The following FMO3 variants were observed in gnomAD, a reference collection of about 807,000 sequenced individuals.
The protein encoded by FMO3 is flavin-containing monooxygenase 3.
FMO3 carries 40 observed loss-of-function variants against 39.4 expected under a neutral mutation model. That is an observed-to-expected ratio of 1.02 (90% CI 0.79 to 1.32). The LOEUF (loss-of-function observed/expected upper bound fraction) is 1.32, where lower values mean the gene tolerates loss of function less well. Among genes scored for constraint, FMO3 ranks in the 40% most tolerant of loss-of-function variants. FMO3 has a pLI of 0.00. For synonymous variants in FMO3, 219 were observed against 228.8 expected, an observed-to-expected ratio of 0.96 and a Z score of 0.39; for missense variants, 680 against 651.8, an observed-to-expected ratio of 1.04 and a Z score of -0.47.
At chr1:171,101,745 G>A (rs892886179) in intron 2 of FMO3, 2 of 518,108 alleles carry the variant, frequency 3.9e-6, no homozygotes, top group East Asian at 1.1e-4. Flanking sequence ...ATTTCACCCA[G>A]ATCTGCGGCC....
chr1:171,117,637 A>G lies in FMO3; in HGVS notation c.*195A>G, dbSNP rs951827144. The stretch of plus-strand genomic sequence containing the variant: ...ACTTTAAGAATCATGTCATGATCTT[A>G]AGAGAGCACTAATCATTTCTGTTTG... On this transcript the variant is annotated 3_prime_UTR_variant, in exon 9 of 9. Transcript: ENST00000367755. The G allele has an allele frequency of 1.9e-6, 1 of 531,696 alleles. No individual in the cohort carries two copies. The highest frequency in any genetic ancestry group is 1.9e-5 in the African/African-American group (1 of 52,696). 32.9% of individuals were successfully genotyped at this position (531,696 alleles called of 1,614,324 possible).
At chr1:171,113,687 G>A (rs542330445) in intron 6 of FMO3, among the ~76,000 whole-genome samples, 7 of 152,208 alleles carry the variant, frequency 4.6e-5, no homozygotes, top group African/African-American at 1.4e-4. Flanking sequence ...TGTAAACACC[G>A]AGGTACCCTC....
chr1:171,096,688 A>ATTTTTTAT (rs1211793732), intron 2 of FMO3, among the ~76,000 whole-genome samples: 7 of 137,354 alleles, frequency 5.1e-5, no homozygotes, highest in South Asian at 2.2e-4. Context: ...TTTAAAATAT[A>ATTTTTTAT]ATTAATATAA....
chr1:171,111,942 A>G (rs1170359793), intron 6 of FMO3, among the ~76,000 whole-genome samples: 1 of 152,196 alleles, frequency 6.6e-6, no homozygotes. Flanking sequence ...AGATAAAGGT[A>G]ATGGCAAGTG....
Position 171,103,819 on chromosome 1 carries a change from A to G in FMO3, c.167A>G (p.Lys56Arg), listed in dbSNP as rs758438408. 1.9e-6 allele frequency: 3 copies of G among 1,613,918 alleles called. No homozygotes were observed. The South Asian group carries it at 3.3e-5, about 18-fold the overall frequency. ...GAGGAGGGCAGGGCTAGCATTTACA[A>G]ATCAGTCTTTTCCAACTCTTCCAAA... ...HAEEGRASIY[K>R]SVFSNSSKEM... The change falls in exon 3 of 9, where the codon AAA becomes AGA. Residue 56 changes from lysine (K) to arginine (R), a missense_variant. By Grantham distance (26) the Lys-to-Arg change is conservative (BLOSUM62 2). Coordinates refer to ENST00000367755, the MANE Select transcript of FMO3 (RefSeq NM_001002294.3).
At chr1:171,106,950 T>C (rs1655666886) in intron 3 of FMO3, among the ~76,000 whole-genome samples, 1 of 152,216 alleles carries the variant, frequency 6.6e-6, no homozygotes, top group Non-Finnish European at 1.5e-5. Flanking sequence ...CATTTTATTA[T>C]ATTTCATAAC....
At chr1:171,102,610 C>A (rs1413801378) in intron 2 of FMO3, among the ~76,000 whole-genome samples, 2 of 152,142 alleles carry the variant, frequency 1.3e-5, no homozygotes, top group African/African-American at 4.8e-5. Context: ...CTTAAAATTA[C>A]CTGAAGAGCT....
At chr1:171,096,075 T>A (rs796406424) in intron 2 of FMO3, among the ~76,000 whole-genome samples, 1,673 of 60,530 alleles carry the variant, frequency 0.028, 75 homozygotes, top group Admixed American at 0.039. Context: ...TATATATTAA[T>A]ATATAATATA....
At position 171,114,180 on chromosome 1, in the gene FMO3, C is replaced by T. The variant is rs765775795; in HGVS notation, c.1001C>T (p.Ala334Val). 6.2e-7 allele frequency: 1 copy of T among 1,613,992 alleles called. No homozygotes were observed. The highest frequency in any genetic ancestry group is 2.2e-5 in the East Asian group (1 of 44,856). Residue 334 changes from alanine (A) to valine (V), a missense_variant, in exon 7 of 9, where the codon GCC (alanine) becomes GTC (valine). Coordinates refer to ENST00000367755, the MANE Select transcript of FMO3 (RefSeq NM_001002294.3). ...CVIFATGYSF[A>V]YPFLDESIIK... Reference sequence around the variant, plus strand: ...ATCTTTGCAACAGGGTATAGTTTTGCCTACCCCTTCCTTGATGAGTCTATC... The same window carrying T: ...ATCTTTGCAACAGGGTATAGTTTTGTCTACCCCTTCCTTGATGAGTCTATC...
chr1:171,092,572 G>T (rs149842095), intron 1 of FMO3, 81 bp from the exon 2 acceptor site: 2 of 1,539,374 alleles, frequency 1.3e-6, no homozygotes, highest in Non-Finnish European at 1.8e-6. Flanking sequence ...GCCAAAGAGC[G>T]AAATCAAAAT....
rs752010329 is a variant in FMO3, at chr1:171,117,347, G to T, written c.1504G>T (p.Val502Phe). Residue 502 changes from valine to phenylalanine, a missense_variant, in exon 9 of 9, where the codon GTC (valine) becomes TTC (phenylalanine). Transcript: ENST00000367755. Reference sequence around the variant, plus strand: ...GTTGAAACCCATGCAGACACGAGTGGTCGGGAGACTTCAGAAGCCTTGCTT... The same window carrying T: ...GTTGAAACCCATGCAGACACGAGTGTTCGGGAGACTTCAGAAGCCTTGCTT... ...RSLKPMQTRV[V>F]GRLQKPCFFF... The T allele has an allele frequency of 1.2e-5, 19 of 1,613,328 alleles. No individual in the cohort carries two copies. The highest frequency in any genetic ancestry group is 1.6e-4 in the Middle Eastern group (1 of 6,070).
intron 2 of FMO3, among the ~76,000 whole-genome samples, chr1:171,096,687 TA>T (rs1655094942): frequency 6.8e-5 from 9 of 132,960 alleles, no homozygotes; most frequent in African/African-American, 8.3e-5. Flanking sequence ...ATTTAAAATA[TA>T]ATTAATATAA....
chr1:171,111,006 G>A lies in FMO3; in HGVS notation c.827+9G>A, dbSNP rs758580639. 2.8e-5 allele frequency: 45 copies of A among 1,609,466 alleles called. No homozygotes were observed. Among genetic ancestry groups the A allele is most frequent in the Non-Finnish European group, 3.5e-5 (41 of 1,176,406 alleles). ...TTGATGCCTTTAAATGGGTAATGCAGAGCTAAACGTGATATGCCTGCTGGC... is the reference window on the plus strand; with the variant it reads ...TTGATGCCTTTAAATGGGTAATGCAAAGCTAAACGTGATATGCCTGCTGGC... On this transcript the variant is annotated intron_variant, in intron 6 of 8. Coordinates refer to ENST00000367755, the MANE Select transcript of FMO3 (RefSeq NM_001002294.3).
At chr1:171,096,783 TA>T (rs1017537327) in intron 2 of FMO3, among the ~76,000 whole-genome samples, 4 of 105,562 alleles carry the variant, frequency 3.8e-5, no homozygotes, top group African/African-American at 7.3e-5. Flanking sequence ...ATAATTATAT[TA>T]AAAATATATA....
At chr1:171,096,320 T>C (rs369328387) in intron 2 of FMO3, among the ~76,000 whole-genome samples, 1,377 of 96,522 alleles carry the variant, frequency 0.014, 10 homozygotes, top group Middle Eastern at 0.028. Context: ...AATATTTATA[T>C]ATAATATATA....
intron 2 of FMO3, among the ~76,000 whole-genome samples, chr1:171,096,181 ATAT>A (rs535035420): frequency 0.22 from 18,317 of 82,194 alleles, 2,439 homozygotes; most frequent in African/African-American, 0.36. Flanking sequence ...TATATATAAT[ATAT>A]TAATATATAT....
Position 171,099,760 on chromosome 1 carries a change from T to C in FMO3, c.133-4025T>C, listed in dbSNP as rs941971886. On this transcript the variant is annotated intron_variant, in intron 2 of 8. Coordinates refer to ENST00000367755, the MANE Select transcript of FMO3 (RefSeq NM_001002294.3). ...GCCTATCGAGCTGACCATGTCTTTC[T>C]TTTTTTTTTTTTTTTTTTTCTTTTT... is the stretch of plus-strand genomic sequence containing the variant. 1.9e-4 allele frequency: 5 copies of C among 26,926 alleles called. No homozygotes were observed. In the East Asian group the frequency reaches 2.4e-3, roughly 13 times the overall value. 1.7% of individuals were successfully genotyped at this position (26,926 alleles called of 1,614,324 possible).
intron 7 of FMO3, 47 bp from the exon 8 acceptor site, chr1:171,116,161 C>G (rs749923826): frequency 1.7e-6 from 2 of 1,152,928 alleles, no homozygotes; most frequent in Non-Finnish European, 2.6e-6. Flanking sequence ...CAGGCTGGTC[C>G]TATGCCAGAC....
At position 171,114,245 on chromosome 1, in the gene FMO3, G is replaced by C. The variant is rs749133111; in HGVS notation, c.1066G>C (p.Val356Leu). 1 of 1,613,966 alleles carries C rather than the reference G, an allele frequency of 6.2e-7. No homozygotes were observed. The highest frequency in any genetic ancestry group is 2.2e-5 in the East Asian group (1 of 44,876). Residue 356 changes from valine to leucine, a missense_variant, in exon 7 of 9, where the codon GTA becomes CTA. Physicochemically the swap from Val to Leu is conservative, Grantham distance 32. Transcript: ENST00000367755. Reference sequence around the variant, plus strand: ...CAATGAGATCATTTTATTTAAAGGAGTATTTCCTCCTCTACTTGAGAAGTC... The same window carrying C: ...CAATGAGATCATTTTATTTAAAGGACTATTTCCTCCTCTACTTGAGAAGTC... The part of the protein sequence containing the change: ...RNNEIILFKG[V>L]FPPLLEKSTI...
Sources: gnomAD v4.1 joint callset for allele counts (sites outside exome capture counted in the v4.1 genomes callset) on GRCh38, gnomAD v4.1.1 for gene constraint, MANE v1.5 for transcripts, NCBI Gene and HGNC (gene_info 2026-07-23, HGNC 2026-07-21) for gene names.